CAPS2: variants seen among roughly 807,000 people sequenced by gnomAD.
CAPS2 encodes the protein calcyphosin-2.
In CAPS2, 98 loss-of-function variants were observed where a neutral mutation model predicts 86.5. That is an observed-to-expected ratio of 1.13 (90% CI 0.96 to 1.34). CAPS2 has a LOEUF of 1.34. Ranked by LOEUF, CAPS2 falls within the 40% of genes most tolerant of loss-of-function variation. CAPS2 has a pLI of 0.00. For synonymous variants in CAPS2, 210 were observed against 225.1 expected (o/e 0.93, Z 0.60); for missense variants, 729 against 686.8 (o/e 1.06, Z -0.69).
At chr12:75,341,591 C>A (rs1179628195) in intron 1 of CAPS2, among the ~76,000 whole-genome samples, 1 of 151,214 alleles carries the variant, frequency 6.6e-6, no homozygotes, top group Non-Finnish European at 1.5e-5. Context: ...AGACTACAGG[C>A]GCCCGCCACC....
At chr12:75,379,382 T>A (rs567349019) in intron 1 of CAPS2, among the ~76,000 whole-genome samples, 1 of 152,354 alleles carries the variant, frequency 6.6e-6, no homozygotes, top group Non-Finnish European at 1.5e-5. Context: ...TTCCTCTTAT[T>A]GTCAAGAAGA....
chr12:75,363,200 A>AT, intron 1 of CAPS2: 2 of 1,225,058 alleles, frequency 1.6e-6, no homozygotes, highest in Non-Finnish European at 2.2e-6. Flanking sequence ...AGTAAGCAAA[A>AT]ATATATATAT....
intron 3 of CAPS2, 61 bp downstream of exon 4, chr12:75,323,101 TTAATGATATTTCTTA>T: frequency 6.6e-7 from 1 of 1,519,870 alleles, no homozygotes; most frequent in Admixed American, 2.0e-5. Flanking sequence ...AAAAATAAAG[TTAATGATATTTCTTA>T]TATGCTATGT....
chr12:75,388,615 T>C (rs1163792443), intron 1 of CAPS2, among the ~76,000 whole-genome samples: 3 of 151,902 alleles, frequency 2.0e-5, no homozygotes, highest in Non-Finnish European at 4.4e-5. Flanking sequence ...AAAAAAAAAT[T>C]AGTAGTTGCC....
chr12:75,331,720 C>A (rs1403914080), upstream of CAPS2, among the ~76,000 whole-genome samples: 3 of 151,898 alleles, frequency 2.0e-5, no homozygotes, highest in South Asian at 6.2e-4. Flanking sequence ...CCCGCCACTA[C>A]GCCCGGCTAA....
exon 15 of CAPS2, chr12:75,285,063 C>A (rs766692319): frequency 6.2e-7 from 1 of 1,609,104 alleles, no homozygotes; most frequent in South Asian, 1.1e-5. Context: ...TCAGAATTAG[C>A]CATGCAGACT....
chr12:75,370,030 C>A (rs1304944949), intron 1 of CAPS2: 2 of 1,255,560 alleles, frequency 1.6e-6, no homozygotes, highest in Non-Finnish European at 2.3e-6. Flanking sequence ...TATTTCCTCC[C>A]GTTGAAAATC....
intron 14 of CAPS2, among the ~76,000 whole-genome samples, chr12:75,287,539 T>C (rs1233400473): frequency 2.0e-5 from 3 of 152,110 alleles, no homozygotes; most frequent in Admixed American, 2.0e-4. Context: ...GTTATGCATG[T>C]ATCAGTCATG....
chr12:75,303,743 ATAAAT>A (rs1298925756), intron 8 of CAPS2, among the ~76,000 whole-genome samples: 1 of 152,226 alleles, frequency 6.6e-6, no homozygotes, highest in African/African-American at 2.4e-5. Context: ...GGCATATGTG[ATAAAT>A]TAAGAACATT....
At chr12:75,334,973 G>C (rs979146349), upstream of CAPS2, 10 of 1,421,326 alleles carry the variant, frequency 7.0e-6, no homozygotes, top group African/African-American at 1.4e-4. Flanking sequence ...TAAATTTCAC[G>C]GACTTAACTT....
intron 16 of CAPS2, among the ~76,000 whole-genome samples, chr12:75,280,565 G>GA (rs201346681): frequency 5.9e-5 from 9 of 151,262 alleles, no homozygotes; most frequent in African/African-American, 2.2e-4. Flanking sequence ...AAAAGAGAAA[G>GA]AAAAAAATAC....
chr12:75,334,583 AGTT>A, upstream of CAPS2: 1 of 1,441,496 alleles, frequency 6.9e-7, no homozygotes, highest in African/African-American at 1.4e-5. Flanking sequence ...GACACTGACA[AGTT>A]GATCCAGCCG....
At chr12:75,306,174 G>T in intron 7 of CAPS2, 1 of 869,604 alleles carries the variant, frequency 1.1e-6, no homozygotes, top group East Asian at 2.4e-5. Context: ...ATTACCTGAA[G>T]TACCGGCCCG....
intron 8 of CAPS2, 41 bp from the exon 9 acceptor site, chr12:75,299,952 C>T: frequency 1.2e-6 from 1 of 800,344 alleles, no homozygotes; most frequent in Non-Finnish European, 1.9e-6. Flanking sequence ...TTCAAGATAC[C>T]TATAACTTGA....
intron 1 of CAPS2, among the ~76,000 whole-genome samples, chr12:75,341,764 T>G (rs2042134004): frequency 1.4e-5 from 2 of 144,256 alleles, no homozygotes; most frequent in South Asian, 4.6e-4. Flanking sequence ...TTTTTTTTTT[T>G]TTTTTTTGAG....
upstream of CAPS2, among the ~76,000 whole-genome samples, chr12:75,326,693 G>A (rs1450258945): frequency 6.6e-6 from 1 of 152,174 alleles, no homozygotes; most frequent in African/African-American, 2.4e-5. Flanking sequence ...TATGACCTGT[G>A]TTAGTATGAA....
At chr12:75,368,661 A>G (rs2044156470) in intron 1 of CAPS2, among the ~76,000 whole-genome samples, 3 of 151,766 alleles carry the variant, frequency 2.0e-5, no homozygotes, top group Non-Finnish European at 1.5e-5. Context: ...TTCCTCCTGC[A>G]TTTTTCCTTG....
At chr12:75,344,184 C>T (rs780847946) in intron 1 of CAPS2, among the ~76,000 whole-genome samples, 1 of 151,960 alleles carries the variant, frequency 6.6e-6, no homozygotes. Flanking sequence ...GAATGTTGGC[C>T]ATTGTTTCTG....
At chr12:75,317,118 T>C (rs1194310297) in intron 5 of CAPS2, among the ~76,000 whole-genome samples, 1 of 152,184 alleles carries the variant, frequency 6.6e-6, no homozygotes, top group Admixed American at 6.6e-5. Flanking sequence ...GATTGCTATA[T>C]AAAATTTTGT....
Sources: allele counts gnomAD v4.1 joint callset (sites outside exome capture counted in the v4.1 genomes callset), GRCh38; gene constraint gnomAD v4.1.1; transcripts MANE v1.5; gene names NCBI Gene and HGNC (gene_info 2026-07-23, HGNC 2026-07-21).